The following NUCB2 variants were observed in gnomAD, a reference collection of about 807,000 sequenced individuals.
NUCB2 encodes the protein nucleobindin 2.
NUCB2 carries 48 observed loss-of-function variants against 57.9 expected under a neutral mutation model. The observed-to-expected ratio is 0.83, with a 90% confidence interval of 0.66 to 1.05. NUCB2 has a LOEUF of 1.05. Among genes scored for constraint, NUCB2 ranks in the 50% least tolerant of loss-of-function variants. The pLI, the probability that NUCB2 is intolerant of heterozygous loss-of-function variation, is 0.00. For missense variants in NUCB2, 442 were observed against 476.2 expected (o/e 0.93, Z 0.67); for synonymous variants, 139 against 152.1 (o/e 0.91, Z 0.64).
chr11:17,325,447 A>C (rs1387914143), intron 11 of NUCB2, among the ~76,000 whole-genome samples: 1 of 152,002 alleles, frequency 6.6e-6, no homozygotes, highest in Non-Finnish European at 1.5e-5. Flanking sequence ...GTCTCTTCTT[A>C]GTTTTTGTCT....
At chr11:17,329,463 A>G (rs529996494) in intron 11 of NUCB2, among the ~76,000 whole-genome samples, 2 of 152,332 alleles carry the variant, frequency 1.3e-5, no homozygotes, top group South Asian at 2.1e-4. Flanking sequence ...TTCAGTGCCC[A>G]TTGCTGGGAT....
intron 2 of NUCB2, among the ~76,000 whole-genome samples, chr11:17,293,354 G>A (rs1945271429): frequency 6.6e-6 from 1 of 152,028 alleles, no homozygotes; most frequent in Non-Finnish European, 1.5e-5. Context: ...TCTTATTTAT[G>A]GTAGTCTTGG....
Position 17,309,608 on chromosome 11 carries a change from T to C in NUCB2, c.416T>C (p.Phe139Ser), listed in dbSNP as rs911896934. 15 of 1,605,430 alleles carry C rather than the reference T, an allele frequency of 9.3e-6. No homozygotes were observed. Among genetic ancestry groups the C allele is most frequent in the Non-Finnish European group, 1.0e-5 (12 of 1,177,048 alleles). The change falls in exon 6 of 14, where the codon TTT (phenylalanine) becomes TCT (serine). Residue 139 changes from phenylalanine (F) to serine (S), a missense_variant. Phe to Ser is a radical substitution (Grantham distance 155). Transcript: ENST00000529010. ...GACCACCAAGCTCTTCTAAAACAAT[T>C]TGATCACCTAAACCACCTGAATCCT... ...GMDHQALLKQ[F>S]DHLNHLNPDK...
At chr11:17,289,913 T>A (rs1290165439) in intron 2 of NUCB2, among the ~76,000 whole-genome samples, 3 of 152,196 alleles carry the variant, frequency 2.0e-5, no homozygotes, top group Non-Finnish European at 4.4e-5. Context: ...TTCAGTATTT[T>A]CAGGAAGTTC....
chr11:17,287,397 C>T (rs897632085), intron 2 of NUCB2, among the ~76,000 whole-genome samples: 4 of 151,942 alleles, frequency 2.6e-5, no homozygotes, highest in Admixed American at 6.6e-5. Context: ...TAAGGCCGGG[C>T]GTGGTGGCTC....
intron 1 of NUCB2, among the ~76,000 whole-genome samples, chr11:17,281,495 A>C (rs1942557945): frequency 6.6e-6 from 1 of 152,164 alleles, no homozygotes; most frequent in Admixed American, 6.6e-5. Context: ...TTTCCTTTTC[A>C]AGACAAGAAG....
intron 2 of NUCB2, among the ~76,000 whole-genome samples, chr11:17,344,994 A>C (rs1378451229): frequency 6.6e-6 from 1 of 152,262 alleles, no homozygotes. Flanking sequence ...GGTATCTATT[A>C]GCACACATGA....
chr11:17,343,355 A>C (rs889908870), intron 2 of NUCB2, among the ~76,000 whole-genome samples: 2 of 152,230 alleles, frequency 1.3e-5, no homozygotes, highest in Non-Finnish European at 2.9e-5. Context: ...CCCATGAATC[A>C]TTGCATTTAA....
intron 2 of NUCB2, among the ~76,000 whole-genome samples, chr11:17,294,653 G>A (rs537468191): frequency 5.4e-4 from 72 of 133,152 alleles, no homozygotes; most frequent in African/African-American, 2.0e-3. Flanking sequence ...TCCAAATGGT[G>A]TTCTGTGGGT....
chr11:17,292,308 T>C (rs1484943872), intron 2 of NUCB2, among the ~76,000 whole-genome samples: 1 of 152,174 alleles, frequency 6.6e-6, no homozygotes, highest in African/African-American at 2.4e-5. Context: ...ACTTTCTATT[T>C]CTCCTTTTTT....
intron 5 of NUCB2, among the ~76,000 whole-genome samples, chr11:17,302,978 T>C (rs112112995): frequency 6.6e-6 from 1 of 152,052 alleles, no homozygotes; most frequent in East Asian, 1.9e-4. Flanking sequence ...GACCTCGTGA[T>C]CCACCCGCCT....
chr11:17,314,683 C>T (rs963167872), intron 10 of NUCB2, among the ~76,000 whole-genome samples: 2 of 152,262 alleles, frequency 1.3e-5, no homozygotes, highest in Admixed American at 1.3e-4. Flanking sequence ...CCCTTTAAGC[C>T]AAAAACTCTG....
intron 1 of NUCB2, among the ~76,000 whole-genome samples, chr11:17,279,779 A>AT (rs34261908): frequency 2.5e-4 from 24 of 96,206 alleles, no homozygotes; most frequent in South Asian, 7.4e-4. Flanking sequence ...TTGGCAGAGC[A>AT]TTTTTTTTTT....
chr11:17,312,652 C>G (rs1447892898), intron 10 of NUCB2, among the ~76,000 whole-genome samples: 1 of 149,650 alleles, frequency 6.7e-6, no homozygotes, highest in Non-Finnish European at 1.5e-5. Context: ...ATCCATCCGC[C>G]TTGGCCTCCC....
chr11:17,321,830 G>T (rs1039832482), intron 11 of NUCB2, among the ~76,000 whole-genome samples: 2 of 151,592 alleles, frequency 1.3e-5, no homozygotes, highest in African/African-American at 4.8e-5. Flanking sequence ...GTAGTTTTGT[G>T]TTTCTCTGAT....
intron 3 of NUCB2, 31 bp from the exon 4 acceptor site, chr11:17,296,073 G>T: frequency 7.5e-7 from 1 of 1,341,872 alleles, no homozygotes; most frequent in South Asian, 1.3e-5. Flanking sequence ...AAAACCTGCA[G>T]AAGCATTACT....
intron 1 of NUCB2, among the ~76,000 whole-genome samples, chr11:17,277,946 A>G (rs551489568): frequency 6.6e-6 from 1 of 152,338 alleles, no homozygotes; most frequent in East Asian, 1.9e-4. Flanking sequence ...GAAATTTAGA[A>G]TTAGAAATGA....
chr11:17,322,275 C>A (rs1950126823), intron 11 of NUCB2, among the ~76,000 whole-genome samples: 1 of 151,980 alleles, frequency 6.6e-6, no homozygotes, highest in Non-Finnish European at 1.5e-5. Context: ...TTGTATAAGG[C>A]AAGATGTAGG....
chr11:17,297,295 TG>T (rs1400678051), intron 4 of NUCB2, among the ~76,000 whole-genome samples: 1 of 152,178 alleles, frequency 6.6e-6, no homozygotes, highest in Admixed American at 6.5e-5. Context: ...AGACTCATTC[TG>T]GGTCAAACAA....
Sources: gnomAD v4.1 joint callset for allele counts (sites outside exome capture counted in the v4.1 genomes callset) on GRCh38, gnomAD v4.1.1 for gene constraint, MANE v1.5 for transcripts, NCBI Gene and HGNC (gene_info 2026-07-23, HGNC 2026-07-21) for gene names.